Variants in TASP1 observed in about 807,000 individuals in gnomAD.
TASP1 encodes taspase 1.
TASP1 carries 16 observed loss-of-function variants against 56.6 expected under a neutral mutation model. The observed-to-expected ratio is 0.28, with a 90% CI of 0.19 to 0.43. TASP1 has a LOEUF of 0.43. Ranked by LOEUF, TASP1 falls within the 20% of genes least tolerant of loss-of-function variation. TASP1 has a pLI of 1.00. For synonymous variants in TASP1, 179 were observed against 184.2 expected, an observed-to-expected ratio of 0.97 and a Z score of 0.23; for missense variants, 393 against 511.6, an observed-to-expected ratio of 0.77 and a Z score of 2.24.
intron 10 of TASP1, among the ~76,000 whole-genome samples, chr20:13,501,263 T>G (rs1304133338): frequency 6.6e-6 from 1 of 152,156 alleles, no homozygotes; most frequent in South Asian, 2.1e-4. Flanking sequence ...GAGAGAACCC[T>G]GAGCTCTTTC....
At position 13,618,999 on chromosome 20, in the gene TASP1, C is replaced by G. The variant is rs548012306; in HGVS notation, c.282+4447G>C. On this transcript the variant is annotated intron_variant, in intron 4 of 13. Coordinates refer to ENST00000337743, the MANE Select transcript of TASP1 (RefSeq NM_017714.3). Reference sequence around the variant, plus strand: ...AAGTAATTCTCCTGCCTCAGCCTCCCAACTAGCTGGGATTACAGGAACGCG... The same window carrying G: ...AAGTAATTCTCCTGCCTCAGCCTCCGAACTAGCTGGGATTACAGGAACGCG... 1.4e-4 allele frequency among the ~76,000 whole-genome samples: 22 copies of G among 152,192 alleles called. No individual in the cohort carries two copies. In the South Asian group the frequency reaches 4.2e-3, roughly 29 times the overall value.
the TASP1 span, chr20:13,288,699 T>C: frequency 1.2e-6 from 2 of 1,601,266 alleles, no homozygotes; most frequent in African/African-American, 2.7e-5. Flanking sequence ...TTTACCTGAG[T>C]GTGTAGCTCC....
At chr20:13,312,480 C>CT in the TASP1 span, among the ~76,000 whole-genome samples, 3 of 152,202 alleles carry the variant, frequency 2.0e-5, no homozygotes, top group Admixed American at 2.0e-4. Context: ...CTTCCTCTCC[C>CT]TCATGCACAG....
chr20:13,523,181 A>G (rs1469335355), intron 10 of TASP1, among the ~76,000 whole-genome samples: 1 of 152,120 alleles, frequency 6.6e-6, no homozygotes, highest in African/African-American at 2.4e-5. Flanking sequence ...AAATGGGGAG[A>G]GGGCTAGAAG....
the TASP1 span, among the ~76,000 whole-genome samples, chr20:13,225,645 G>A: frequency 6.6e-6 from 1 of 152,090 alleles, no homozygotes; most frequent in Non-Finnish European, 1.5e-5. Context: ...TTGGGTAACT[G>A]GCTGATGAAA....
intron 6 of TASP1, among the ~76,000 whole-genome samples, chr20:13,573,524 G>C (rs1000231180): frequency 3.9e-5 from 6 of 152,188 alleles, no homozygotes; most frequent in South Asian, 2.1e-4. Flanking sequence ...ATGTAATATA[G>C]TTTTAAAAAA....
the TASP1 span, among the ~76,000 whole-genome samples, chr20:13,345,163 GAAGAA>G: frequency 6.6e-6 from 1 of 152,318 alleles, no homozygotes; most frequent in African/African-American, 2.4e-5. Flanking sequence ...TGTAGGTAAT[GAAGAA>G]AAGAGTTAAA....
the TASP1 span, among the ~76,000 whole-genome samples, chr20:13,200,098 C>G: frequency 2.6e-5 from 4 of 152,046 alleles, no homozygotes; most frequent in South Asian, 4.1e-4. Context: ...ACTTTAAATT[C>G]ACAAAGGTAC....
At chr20:13,271,099 T>C in the TASP1 span, among the ~76,000 whole-genome samples, 2 of 152,130 alleles carry the variant, frequency 1.3e-5, no homozygotes, top group African/African-American at 2.4e-5. Flanking sequence ...ATTGATGAAA[T>C]GTGGCCGTTA....
chr20:13,144,177 T>C, the TASP1 span, among the ~76,000 whole-genome samples: 3 of 152,322 alleles, frequency 2.0e-5, no homozygotes, highest in Admixed American at 1.3e-4. Context: ...CCCAAACTTG[T>C]GTCCACAAGA....
intron 11 of TASP1, among the ~76,000 whole-genome samples, chr20:13,435,537 C>T (rs1248851936): frequency 6.6e-6 from 1 of 152,202 alleles, no homozygotes; most frequent in Non-Finnish European, 1.5e-5. Context: ...GTCAGGGACA[C>T]ACCACCAAAA....
the TASP1 span, among the ~76,000 whole-genome samples, chr20:13,112,925 G>A: frequency 6.6e-6 from 1 of 152,314 alleles, no homozygotes; most frequent in East Asian, 1.9e-4. Context: ...GCTCATGCCT[G>A]TAATCCTATC....
At chr20:13,499,463 T>C (rs924175872) in intron 10 of TASP1, among the ~76,000 whole-genome samples, 1 of 142,626 alleles carries the variant, frequency 7.0e-6, no homozygotes, top group African/African-American at 2.6e-5. Context: ...GAAATCTCTT[T>C]AAAAAAAAAA....
chr20:13,495,396 C>T (rs546068522), intron 10 of TASP1, among the ~76,000 whole-genome samples: 13 of 152,272 alleles, frequency 8.5e-5, no homozygotes, highest in African/African-American at 3.1e-4. Flanking sequence ...CCAGTCATTG[C>T]TTATCCCTTT....
intron 7 of TASP1, among the ~76,000 whole-genome samples, chr20:13,560,771 AAG>A (rs1221035315): frequency 6.6e-6 from 1 of 152,170 alleles, no homozygotes. Flanking sequence ...AAGGAAAAGA[AAG>A]AGAGAAAGAG....
At chr20:13,515,656 A>C (rs1407809204) in intron 10 of TASP1, among the ~76,000 whole-genome samples, 1 of 152,028 alleles carries the variant, frequency 6.6e-6, no homozygotes, top group African/African-American at 2.4e-5. Context: ...AAAGATCAGT[A>C]CACCTTACAC....
chr20:13,613,409 C>G (rs1489365961), intron 4 of TASP1, among the ~76,000 whole-genome samples: 2 of 152,092 alleles, frequency 1.3e-5, no homozygotes, highest in Non-Finnish European at 2.9e-5. Flanking sequence ...GCCGAAAACA[C>G]AGAAAACATG....
chr20:13,368,621 T>C, the TASP1 span: 1 of 152,242 alleles, frequency 6.6e-6, no homozygotes, highest in African/African-American at 2.4e-5. Context: ...CAGATGCAGA[T>C]AGTGGTGGTT....
the TASP1 span, among the ~76,000 whole-genome samples, chr20:13,129,694 G>A: frequency 2.0e-5 from 3 of 152,238 alleles, no homozygotes; most frequent in Non-Finnish European, 2.9e-5. Flanking sequence ...TCCCTCCTCC[G>A]ATTGGTTCAT....
Sources: allele counts gnomAD v4.1 joint callset (sites outside exome capture counted in the v4.1 genomes callset), GRCh38; gene constraint gnomAD v4.1.1; transcripts MANE v1.5; gene names NCBI Gene and HGNC (gene_info 2026-07-23, HGNC 2026-07-21).